SFSWAP: variants seen among roughly 807,000 people sequenced by gnomAD.
SFSWAP encodes the protein splicing factor, suppressor of white-apricot homolog.
A neutral mutation model predicts 100.7 loss-of-function variants in SFSWAP; 17 were observed. That is an observed-to-expected ratio of 0.17 (90% confidence interval 0.12 to 0.25). The LOEUF (loss-of-function observed/expected upper bound fraction) is 0.25. Ranked by LOEUF, SFSWAP falls within the 10% of genes least tolerant of loss-of-function variation. The probability of loss-of-function intolerance (pLI) is 1.00; values close to 1 mark genes in which losing one functional copy is unlikely to be tolerated. For synonymous variants in SFSWAP, 504 were observed against 510.1 expected, an observed-to-expected ratio of 0.99 and a Z score of 0.16; for missense variants, 1,005 against 1,262.6, an observed-to-expected ratio of 0.80 and a Z score of 3.09.
At position 131,711,180 on chromosome 12, in the gene SFSWAP, G is replaced by T. The variant is rs1490666137; in HGVS notation, c.-50G>T. 1.4e-6 allele frequency: 2 copies of T among 1,445,974 alleles called. No homozygotes were observed. The highest frequency in any genetic ancestry group is 4.3e-5 in the Admixed American group (2 of 46,660). The allele number at this position is 1,445,974 out of a possible 1,614,324, so 89.6% of individuals were successfully genotyped here. ...GGGTAGGCCAAGTGGAGGTATCAGGGACGTCGCGCGGCACAGAAGAGGACC... is the reference window on the plus strand; with the variant it reads ...GGGTAGGCCAAGTGGAGGTATCAGGTACGTCGCGCGGCACAGAAGAGGACC... On this transcript the variant is annotated 5_prime_UTR_variant, in exon 1 of 18. Coordinates refer to ENST00000261674, the MANE Select transcript of SFSWAP (RefSeq NM_004592.4). The surrounding 1 kb of genome is among the most constrained non-coding windows in gnomAD (Gnocchi z 4.9).
At chr12:131,739,168 G>A (rs533812965) in intron 7 of SFSWAP, among the ~76,000 whole-genome samples, 27 of 152,152 alleles carry the variant, frequency 1.8e-4, no homozygotes, top group Admixed American at 1.6e-3. Flanking sequence ...ATGAGCCACT[G>A]TGCCCTGCCA....
chr12:131,778,083 T>C lies in SFSWAP; in HGVS notation c.2161T>C (p.Cys721Arg). Residue 721 changes from cysteine (C) to arginine (R), a missense_variant, in exon 14 of 18, where the codon TGC becomes CGC. Transcript: ENST00000261674. This position sits in a 1 kb window ranked among gnomAD's most constrained non-coding sequence, Gnocchi z 4.2. ...FSVEESSTTP[C>R]PLLTGGRPLP... Reference sequence around the variant, plus strand: ...TTCTTAGGAATCCAGCACTACGCCCTGCCCTCTACTGACTGGAGGCAGGCC... The same window carrying C: ...TTCTTAGGAATCCAGCACTACGCCCCGCCCTCTACTGACTGGAGGCAGGCC... 6.2e-7 allele frequency: 1 copy of C among 1,612,082 alleles called. No homozygotes were observed. Among genetic ancestry groups the C allele is most frequent in the Non-Finnish European group, 8.5e-7 (1 of 1,179,550 alleles).
At position 131,714,557 on chromosome 12, in the gene SFSWAP, T is replaced by TA. The variant is rs1281869595; in HGVS notation, c.389-263dup. On this transcript the variant is annotated intron_variant, in intron 2 of 17. Transcript: ENST00000261674. This position sits in a 1 kb window ranked among gnomAD's most constrained non-coding sequence, Gnocchi z 6.0. ...TTCTTGTCTTTGCCGTAACAGTCTTTAATACAGTTCTTAATCCCAAAATTT... is the reference window on the plus strand; with the variant it reads ...TTCTTGTCTTTGCCGTAACAGTCTTTAAATACAGTTCTTAATCCCAAAATTT... 7.8e-6 allele frequency: 4 copies of TA among 510,966 alleles called. No homozygotes were observed. Among genetic ancestry groups the TA allele is most frequent in the African/African-American group, 5.7e-5 (3 of 52,582 alleles). The allele number at this position is 510,966 out of a possible 1,614,324, so 31.7% of individuals were successfully genotyped here. A position where few individuals can be genotyped will look rare whatever the true frequency, so the allele number is the denominator to read the frequency against.
chr12:131,754,323 G>A (rs201914559), intron 8 of SFSWAP, 45 bp from the exon 9 acceptor site: 541 of 1,456,342 alleles, frequency 3.7e-4, no homozygotes, highest in African/African-American at 2.2e-3. Context: ...ACTGAGCTTG[G>A]CGAGCCCCTG....
chr12:131,728,286 T>G lies in SFSWAP; in HGVS notation c.946-7T>G. On this transcript the variant is annotated splice_region_variant and splice_polypyrimidine_tract_variant and intron_variant, in intron 6 of 17. Coordinates refer to ENST00000261674, the MANE Select transcript of SFSWAP (RefSeq NM_004592.4). ...GAATGCTAAGGCTGTGTCTTCTCTG[T>G]TTCCAGCCCTTGAAGGTAGTGGACC... The G allele has an allele frequency of 6.2e-7, 1 of 1,614,196 alleles. No individual in the cohort carries two copies. Among genetic ancestry groups the G allele is most frequent in the Non-Finnish European group, 8.5e-7 (1 of 1,180,008 alleles).
chr12:131,731,756 A>G (rs1024466784), intron 7 of SFSWAP, among the ~76,000 whole-genome samples: 11 of 152,286 alleles, frequency 7.2e-5, no homozygotes, highest in African/African-American at 2.2e-4. Flanking sequence ...GATCTCAACT[A>G]TGCTTAAAAT....
At chr12:131,721,133 T>C (rs1878438233) in intron 4 of SFSWAP, among the ~76,000 whole-genome samples, 1 of 152,126 alleles carries the variant, frequency 6.6e-6, no homozygotes, top group Non-Finnish European at 1.5e-5. Flanking sequence ...GCTCATTCAC[T>C]GTCTATCACG....
Position 131,786,534 on chromosome 12 carries a change from C to T in SFSWAP, c.2480C>T (p.Thr827Ile), listed in dbSNP as rs1484895444. The change falls in exon 15 of 18, where the codon ACT (threonine) becomes ATT (isoleucine). Residue 827 changes from threonine (T) to isoleucine (I), a missense_variant. Transcript: ENST00000261674. ...ERRREERSVP[T>I]AYRVSRSPGA... The stretch of plus-strand genomic sequence containing the variant: ...CGGAGGGAAGAGAGGAGTGTGCCCA[C>T]TGCCTACCGCGTGAGCCGCAGCCCT... The T allele has an allele frequency of 1.3e-5, 20 of 1,587,012 alleles. No homozygotes were observed. Among genetic ancestry groups the T allele is most frequent in the Non-Finnish European group, 1.6e-5 (19 of 1,167,792 alleles).
chr12:131,717,564 G>T (rs1054964057), intron 3 of SFSWAP, among the ~76,000 whole-genome samples: 1 of 152,092 alleles, frequency 6.6e-6, no homozygotes, highest in Non-Finnish European at 1.5e-5. Flanking sequence ...GTATATATAA[G>T]AATAGACCAA....
chr12:131,743,504 G>A lies in SFSWAP; in HGVS notation c.1082-9619G>A, dbSNP rs149342240. Among the ~76,000 whole-genome samples the A allele has an allele frequency of 5.7e-3, 872 of 152,328 alleles. 11 individuals carry two copies. The highest frequency in any genetic ancestry group is 0.02 in the African/African-American group (815 of 41,576). ...AAAATGACCTTTGACTCCATGTCTCGCATCCAGGTCACGCTGATGCAAGAG... is the reference window on the plus strand; with the variant it reads ...AAAATGACCTTTGACTCCATGTCTCACATCCAGGTCACGCTGATGCAAGAG... On this transcript the variant is annotated intron_variant, in intron 7 of 17. Transcript: ENST00000261674.
intron 14 of SFSWAP, among the ~76,000 whole-genome samples, chr12:131,782,686 T>C (rs920013059): frequency 2.0e-5 from 3 of 152,216 alleles, no homozygotes; most frequent in African/African-American, 7.2e-5. Flanking sequence ...TAGAAAGCCT[T>C]CTTACAGCAC....
rs1045166039 is a variant in SFSWAP, at chr12:131,728,169, G to A, written c.946-124G>A. 1.8e-5 allele frequency: 19 copies of A among 1,050,542 alleles called. No individual in the cohort carries two copies. In the African/African-American group the frequency reaches 2.5e-4, roughly 14 times the overall value. 65.1% of individuals were successfully genotyped at this position (1,050,542 alleles called of 1,614,324 possible). A position where few individuals can be genotyped will look rare whatever the true frequency, so the allele number is the denominator to read the frequency against. On this transcript the variant is annotated intron_variant, in intron 6 of 17. Transcript: ENST00000261674. The stretch of plus-strand genomic sequence containing the variant: ...ACAACTCGTTAGGACCTCCATGGGT[G>A]CGTGCATGTGTGTGTTTTTTCTAAG...
intron 15 of SFSWAP, among the ~76,000 whole-genome samples, chr12:131,792,433 G>A (rs189179632): frequency 2.7e-5 from 4 of 149,646 alleles, no homozygotes; most frequent in African/African-American, 1.0e-4. Flanking sequence ...GACCAGTACT[G>A]TGTGTGCATA....
rs1048160211 is a variant in SFSWAP, at chr12:131,734,522, C to T, written c.1081+6094C>T. Reference sequence around the variant, plus strand: ...CACACTTCTGTTTTAGAGCCTGTTACGGTTTTGAGTTACACAGACATGTGT... The same window carrying T: ...CACACTTCTGTTTTAGAGCCTGTTATGGTTTTGAGTTACACAGACATGTGT... On this transcript the variant is annotated intron_variant, in intron 7 of 17. Transcript: ENST00000261674. The surrounding 1 kb of genome is among the most constrained non-coding windows in gnomAD (Gnocchi z 4.9). Among the ~76,000 whole-genome samples the T allele has an allele frequency of 2.6e-5, 4 of 152,092 alleles. No homozygotes were observed. The highest frequency in any genetic ancestry group is 1.3e-4 in the Admixed American group (2 of 15,274).
chr12:131,753,247 G>C lies in SFSWAP; in HGVS notation c.1206G>C (p.Val402=). ...YYSTLPAGVT[V]SNSPGVTTTA... is the part of the protein sequence containing the mutation. ...GCACCCTTCCTGCTGGCGTGACCGTGTCTAACTCCCCTGGAGTGACGACCA... is the reference window on the plus strand; with the variant it reads ...GCACCCTTCCTGCTGGCGTGACCGTCTCTAACTCCCCTGGAGTGACGACCA... The change falls in exon 8 of 18, where the codon GTG becomes GTC. Residue 402 remains valine, a synonymous_variant. Coordinates refer to ENST00000261674, the MANE Select transcript of SFSWAP (RefSeq NM_004592.4). The C allele has an allele frequency of 6.2e-7, 1 of 1,614,196 alleles. No individual in the cohort carries two copies. Among genetic ancestry groups the C allele is most frequent in the Non-Finnish European group, 8.5e-7 (1 of 1,180,022 alleles).
At chr12:131,736,137 T>C (rs1427291233) in intron 7 of SFSWAP, among the ~76,000 whole-genome samples, 1 of 151,920 alleles carries the variant, frequency 6.6e-6, no homozygotes, top group Non-Finnish European at 1.5e-5. Flanking sequence ...GGCCCTGCAG[T>C]GGGAAGGGAT....
At chr12:131,728,995 C>T (rs976693069) in intron 7 of SFSWAP, among the ~76,000 whole-genome samples, 1 of 152,102 alleles carries the variant, frequency 6.6e-6, no homozygotes, top group East Asian at 1.9e-4. Context: ...GCTCCTGGCC[C>T]TGGCTCTGCC....
chr12:131,781,734 A>G (rs1440503878), intron 14 of SFSWAP, among the ~76,000 whole-genome samples: 1 of 152,170 alleles, frequency 6.6e-6, no homozygotes, highest in Admixed American at 6.5e-5. Flanking sequence ...GTGTTTCCAG[A>G]ACACTCCAAT....
intron 16 of SFSWAP, 58 bp downstream of exon 16, chr12:131,797,418 C>T (rs1414842490): frequency 7.6e-6 from 11 of 1,449,552 alleles, no homozygotes; most frequent in Non-Finnish European, 9.4e-7. Context: ...GCCAGCAGGA[C>T]TCTCCCTCCT....
Sources: gnomAD v4.1 joint callset for allele counts (sites outside exome capture counted in the v4.1 genomes callset) on GRCh38, gnomAD v4.1.1 for gene constraint, Gnocchi (gnomAD v3.1) non-coding constraint, MANE v1.5 for transcripts, NCBI Gene and HGNC (gene_info 2026-07-23, HGNC 2026-07-21) for gene names.